P2RX2: variants seen among roughly 807,000 people sequenced by gnomAD.
P2RX2 encodes purinergic receptor P2X 2.
In P2RX2, 50 loss-of-function variants were observed where a neutral mutation model predicts 54.8. The ratio of observed to expected loss-of-function variants is 0.91; its 90% CI spans 0.73 to 1.15. The LOEUF (loss-of-function observed/expected upper bound fraction) is 1.15. Among genes scored for constraint, P2RX2 ranks in the 50% most tolerant of loss-of-function variants. P2RX2 has a pLI of 0.00. For missense variants in P2RX2, 658 were observed against 633.2 expected (o/e 1.04, Z -0.42); for synonymous variants, 289 against 259.4 (o/e 1.11, Z -1.09).
In P2RX2 at chr12:132,620,462, G is replaced by A. The variant is rs896555087; in HGVS notation, c.653G>A (p.Arg218His). 4.3e-6 allele frequency: 7 copies of A among 1,614,022 alleles called. No homozygotes were observed. Among genetic ancestry groups the A allele is most frequent in the East Asian group, 4.5e-5 (2 of 44,886 alleles). ...CTCCTCAGGGGCAACATCGCCGACCGCACAGACGGGTACCTGAAGCGCTGC... is the reference window on the plus strand; with the variant it reads ...CTCCTCAGGGGCAACATCGCCGACCACACAGACGGGTACCTGAAGCGCTGC... ...FHFSKGNIADRTDGYLKRCTF... is the reference protein window; with the variant it reads ...FHFSKGNIADHTDGYLKRCTF... The change falls in exon 7 of 11, where the codon CGC (arginine) becomes CAC (histidine). Residue 218 changes from arginine to histidine, a missense_variant. Physicochemically the swap from Arg to His is conservative, Grantham distance 29. Coordinates refer to ENST00000643471, the MANE Select transcript of P2RX2 (RefSeq NM_170682.4).
Position 132,619,495 on chromosome 12 carries a change from C to T in P2RX2, c.230C>T (p.Ser77Phe). 6.2e-7 allele frequency: 1 copy of T among 1,612,670 alleles called. No homozygotes were observed. The highest frequency in any genetic ancestry group is 8.5e-7 in the Non-Finnish European group (1 of 1,179,378). Reference sequence around the variant, plus strand: ...GAGAGCGAGACGGGCCCCGAGAGCTCCATCATCACCAAGGTCAAGGGGATC... The same window carrying T: ...GAGAGCGAGACGGGCCCCGAGAGCTTCATCATCACCAAGGTCAAGGGGATC... ...YQESETGPES[S>F]IITKVKGITT... Residue 77 changes from serine (S) to phenylalanine (F), a missense_variant, in exon 2 of 11, where the codon TCC (serine) becomes TTC (phenylalanine). By Grantham distance (155) the Ser-to-Phe change is radical. Transcript: ENST00000643471.
chr12:132,619,486 C>T lies in P2RX2; in HGVS notation c.221C>T (p.Pro74Leu), dbSNP rs2041544044. The change falls in exon 2 of 11, where the codon CCC becomes CTC. Residue 74 changes from proline (P) to leucine (L), a missense_variant. Pro to Leu is a moderately conservative substitution (Grantham distance 98). Transcript: ENST00000643471. ...QKSYQESETG[P>L]ESSIITKVKG... ...AGCTACCAGGAGAGCGAGACGGGCC[C>T]CGAGAGCTCCATCATCACCAAGGTC... The T allele has an allele frequency of 6.2e-7, 1 of 1,612,748 alleles. No individual in the cohort carries two copies. The highest frequency in any genetic ancestry group is 2.2e-5 in the East Asian group (1 of 44,822).
chr12:132,620,197 G>A, intron 5 of P2RX2, 70 bp from the exon 6 acceptor site: 4 of 1,518,132 alleles, frequency 2.6e-6, no homozygotes, highest in Non-Finnish European at 3.6e-6. Flanking sequence ...TCTGGGGAGG[G>A]GTGGGGGCCA....
At position 132,619,557 on chromosome 12, in the gene P2RX2, T is replaced by A; in HGVS notation, c.292T>A (p.Tyr98Asn). The A allele has an allele frequency of 6.2e-7, 1 of 1,609,620 alleles. No homozygotes were observed. Among genetic ancestry groups the A allele is most frequent in the Admixed American group, 1.7e-5 (1 of 59,822 alleles). Residue 98 changes from tyrosine to asparagine, a missense_variant, in exon 2 of 11, where the codon TAC becomes AAC. Tyr to Asn is a moderately radical substitution (Grantham distance 143, BLOSUM62 -2). Coordinates refer to ENST00000643471, the MANE Select transcript of P2RX2 (RefSeq NM_170682.4). ...GCACAAAGTGTGGGACGTGGAGGAG[T>A]ACGTGAAGCCCCCCGAGGTGCGGGC... ...SEHKVWDVEEYVKPPEGGSVF... is the reference protein window; with the variant it reads ...SEHKVWDVEENVKPPEGGSVF...
rs762522914 is a variant in P2RX2 at position 132,621,240 on chromosome 12, G to T, written c.906-15G>T. 5 of 1,613,966 alleles carry T rather than the reference G, an allele frequency of 3.1e-6. No individual in the cohort carries two copies. Among genetic ancestry groups the T allele is most frequent in the Non-Finnish European group, 4.2e-6 (5 of 1,179,930 alleles). On this transcript the variant is annotated splice_polypyrimidine_tract_variant and intron_variant, in intron 8 of 10. Coordinates refer to ENST00000643471, the MANE Select transcript of P2RX2 (RefSeq NM_170682.4). ...GAGTGCAGAGGACGAGTGGGCACTGGCGTTCCCATTGCAGGTTTGCCAAAT... is the reference window on the plus strand; with the variant it reads ...GAGTGCAGAGGACGAGTGGGCACTGTCGTTCCCATTGCAGGTTTGCCAAAT...
chr12:132,621,373 C>T (rs1475805531), intron 9 of P2RX2, 28 bp downstream of exon 9: 2 of 1,613,212 alleles, frequency 1.2e-6, no homozygotes, highest in Non-Finnish European at 1.7e-6. Context: ...GGGTGGGTGG[C>T]CAGCCCTGCT....
In P2RX2 at chr12:132,620,906, CT is replaced by C; in HGVS notation, c.775-93del. 6 of 176,018 alleles carry C rather than the reference CT, an allele frequency of 3.4e-5. 2 individuals carry two copies. Among genetic ancestry groups the C allele is most frequent in the African/African-American group, 9.6e-4 (2 of 2,092 alleles). 10.9% of individuals were successfully genotyped at this position (176,018 alleles called of 1,614,324 possible). ...GCTCTCGAGGGGCCTCTCGTGTGCC[CT>C]TGTGACCCCCTTCCCTGGCCTGGGA... On this transcript the variant is annotated intron_variant, in intron 7 of 10. Transcript: ENST00000643471.
Position 132,618,988 on chromosome 12 carries a change from T to A in P2RX2, c.172T>A (p.Trp58Arg). The change falls in exon 1 of 11, where the codon TGG becomes AGG. Residue 58 changes from tryptophan (W) to arginine (R), a missense_variant and splice_region_variant. By Grantham distance (101) the Trp-to-Arg change is moderately radical (BLOSUM62 -3). Transcript: ENST00000643471. ...GCTGCTCATCCTGCTCTACTTCGTG[T>A]GGTGCGCGGGGCGCGGGGTGCGGGG... ...VQLLILLYFV[W>R]YVFIVQKSYQ... 8.4e-7 allele frequency: 1 copy of A among 1,194,750 alleles called. No individual in the cohort carries two copies. The highest frequency in any genetic ancestry group is 1.1e-6 in the Non-Finnish European group (1 of 949,748). 74.0% of individuals were successfully genotyped at this position (1,194,750 alleles called of 1,614,324 possible). A position where few individuals can be genotyped will look rare whatever the true frequency, so the allele number is the denominator to read the frequency against.
Position 132,621,721 on chromosome 12 carries a change from G to T in P2RX2, c.1165G>T (p.Gly389Cys). 6.2e-7 allele frequency: 1 copy of T among 1,612,646 alleles called. No homozygotes were observed. The highest frequency in any genetic ancestry group is 8.5e-7 in the Non-Finnish European group (1 of 1,179,230). Residue 389 changes from glycine (G) to cysteine (C), a missense_variant, in exon 11 of 11, where the codon GGT (glycine) becomes TGT (cysteine). Coordinates refer to ENST00000643471, the MANE Select transcript of P2RX2 (RefSeq NM_170682.4). Reference sequence around the variant, plus strand: ...GGTGTGTACGCCGAGCCACCCCTCAGGTAGCTGGCCTGTGACCCTTGCCCG... The same window carrying T: ...GGTGTGTACGCCGAGCCACCCCTCATGTAGCTGGCCTGTGACCCTTGCCCG... ...DKVCTPSHPSGSWPVTLARVL... is the reference protein window; with the variant it reads ...DKVCTPSHPSCSWPVTLARVL...
rs761656973 is a variant in P2RX2 at position 132,619,812 on chromosome 12, C to G, written c.382-32C>G. ...AGCTAGGCGGGCCAGCTGTCCCTTG[C>G]GGGGTCCCTGACTGGGCCGCCTCCA... is the stretch of plus-strand genomic sequence containing the variant. On this transcript the variant is annotated intron_variant, in intron 3 of 10. Coordinates refer to ENST00000643471, the MANE Select transcript of P2RX2 (RefSeq NM_170682.4). 1.9e-6 allele frequency: 3 copies of G among 1,609,932 alleles called. No homozygotes were observed. In the East Asian group the frequency reaches 6.7e-5, roughly 36 times the overall value.
At position 132,620,544 on chromosome 12, in the gene P2RX2, G is replaced by GGA; in HGVS notation, c.738_739dup (p.Lys247ArgfsTer93). On this transcript the variant is annotated frameshift_variant, in exon 7 of 11. Coordinates refer to ENST00000643471, the MANE Select transcript of P2RX2 (RefSeq NM_170682.4). LOFTEE classifies it high-confidence loss of function. ...CCATCTTCAAGCTGGGCTTTATCGT[G>GGA]GAGAAGGCTGGGGAGAGCTTCACAG... The GGA allele has an allele frequency of 1.2e-6, 2 of 1,613,830 alleles. No individual in the cohort carries two copies. The highest frequency in any genetic ancestry group is 1.7e-6 in the Non-Finnish European group (2 of 1,180,006).
chr12:132,619,904 G>T lies in P2RX2; in HGVS notation c.442G>T (p.Asp148Tyr), dbSNP rs1429039242. The change falls in exon 4 of 11, where the codon GAC becomes TAC. Residue 148 changes from aspartate (D) to tyrosine (Y), a missense_variant. Asp to Tyr is a radical substitution (Grantham distance 160). Coordinates refer to ENST00000643471, the MANE Select transcript of P2RX2 (RefSeq NM_170682.4). ...SDADCVAGELDMLGNGLRTGR... is the reference protein window; with the variant it reads ...SDADCVAGELYMLGNGLRTGR... The stretch of plus-strand genomic sequence containing the variant: ...CGCCGACTGCGTGGCTGGGGAGCTG[G>T]ACATGCTGGGAAACGGTCGGTGTGC... 2 of 1,560,234 alleles carry T rather than the reference G, an allele frequency of 1.3e-6. No individual in the cohort carries two copies. Among genetic ancestry groups the T allele is most frequent in the Admixed American group, 3.4e-5 (2 of 58,686 alleles).
chr12:132,620,152 C>T lies in P2RX2; in HGVS notation c.554+56C>T, dbSNP rs543373518. 121 of 1,515,536 alleles carry T rather than the reference C, an allele frequency of 8.0e-5. 1 individual carries two copies. In the African/African-American group the frequency reaches 1.3e-3, roughly 17 times the overall value. The allele number at this position is 1,515,536 out of a possible 1,614,324, so 93.9% of individuals were successfully genotyped here. ...CTCCCCTCTGATCCTTTTCCCCTGA[C>T]CAGAGGCCAAACGGGCGGGGCAGGA... On this transcript the variant is annotated intron_variant, in intron 5 of 10. Coordinates refer to ENST00000643471, the MANE Select transcript of P2RX2 (RefSeq NM_170682.4).
chr12:132,622,063 G>A lies in P2RX2; in HGVS notation c.*91G>A. On this transcript the variant is annotated 3_prime_UTR_variant, in exon 11 of 11. Transcript: ENST00000643471. ...CCTGCACGTGGACGTGGGCACCTCA[G>A]TAGCGGAGCATCTCCACGAAACGGG... The A allele has an allele frequency of 8.2e-6, 13 of 1,577,940 alleles. No individual in the cohort carries two copies. In the South Asian group the frequency reaches 1.1e-4, roughly 13 times the overall value.
intron 1 of P2RX2, 155 bp from the exon 2 acceptor site, chr12:132,619,284 C>CGGGGCA (rs2041531856): frequency 2.3e-6 from 1 of 429,704 alleles, no homozygotes; most frequent in Non-Finnish European, 3.2e-6. Flanking sequence ...ACCGGGGGCG[C>CGGGGCA]GGGGCAGGGG....
chr12:132,621,989 C>T lies in P2RX2; in HGVS notation c.*17C>T. The T allele has an allele frequency of 2.5e-6, 4 of 1,613,344 alleles. No individual in the cohort carries two copies. The highest frequency in any genetic ancestry group is 2.5e-6 in the Non-Finnish European group (3 of 1,179,912). ...CAACTCTGAGCTCCTTTCCATCTCA[C>T]TGGACTGCAGACCCGGCCTGGTGGG... is the stretch of plus-strand genomic sequence containing the variant. On this transcript the variant is annotated 3_prime_UTR_variant, in exon 11 of 11. Coordinates refer to ENST00000643471, the MANE Select transcript of P2RX2 (RefSeq NM_170682.4).
rs2041734030 is a variant in P2RX2 at position 132,622,250 on chromosome 12, C to T, written c.*278C>T. The stretch of plus-strand genomic sequence containing the variant: ...CCACCTGGAACCCAAGCCAGCTGAG[C>T]TCTGAGGGGCTCTGCTCCCGGTCTT... On this transcript the variant is annotated 3_prime_UTR_variant, in exon 11 of 11. Coordinates refer to ENST00000643471, the MANE Select transcript of P2RX2 (RefSeq NM_170682.4). 4 of 1,355,376 alleles carry T rather than the reference C, an allele frequency of 3.0e-6. No homozygotes were observed. Among genetic ancestry groups the T allele is most frequent in the Non-Finnish European group, 3.8e-6 (4 of 1,055,894 alleles). The allele number at this position is 1,355,376 out of a possible 1,614,324, so 84.0% of individuals were successfully genotyped here.
In P2RX2 at chr12:132,619,936, T is replaced by C; in HGVS notation, c.457+17T>C. 1 of 686,478 alleles carries C rather than the reference T, an allele frequency of 1.5e-6. No individual in the cohort carries two copies. The highest frequency in any genetic ancestry group is 2.5e-6 in the Non-Finnish European group (1 of 399,240). The allele number at this position is 686,478 out of a possible 1,614,324, so 42.5% of individuals were successfully genotyped here. On this transcript the variant is annotated intron_variant, in intron 4 of 10. Coordinates refer to ENST00000643471, the MANE Select transcript of P2RX2 (RefSeq NM_170682.4). ...TGGGAAACGGTCGGTGTGCGCCAGCTGGGGCTGGGCGGGTGGGGCAGGGCT... is the reference window on the plus strand; with the variant it reads ...TGGGAAACGGTCGGTGTGCGCCAGCCGGGGCTGGGCGGGTGGGGCAGGGCT...
rs778226010 is a variant in P2RX2 at position 132,621,329 on chromosome 12, TCATTGTG to T, written c.984_990del (p.Ile328MetfsTer9). 2 of 1,614,000 alleles carry T rather than the reference TCATTGTG, an allele frequency of 1.2e-6. No individual in the cohort carries two copies. The highest frequency in any genetic ancestry group is 2.2e-5 in the South Asian group (2 of 91,082). ...AAGGCCTACGGGATCCGCATTGACG[TCATTGTG>T]CATGGACAGGTGCCTGCACCTGCTG... On this transcript the variant is annotated frameshift_variant, in exon 9 of 11. Coordinates refer to ENST00000643471, the MANE Select transcript of P2RX2 (RefSeq NM_170682.4). LOFTEE classifies it high-confidence loss of function.
Sources: gnomAD v4.1 joint callset for allele counts on GRCh38, gnomAD v4.1.1 for gene constraint, MANE v1.5 for transcripts, NCBI Gene and HGNC (gene_info 2026-07-23, HGNC 2026-07-21) for gene names.